FAM47B: variants seen among roughly 807,000 people sequenced by gnomAD.
FAM47B encodes family with sequence similarity 47 member B, also known as protein FAM47B.
For missense variants in FAM47B, 581 were observed against 550.1 expected (o/e 1.06, Z -0.56); for synonymous variants, 247 against 215.8 (o/e 1.14, Z -1.27).
Position 34,943,578 on chromosome X carries a change from G to A in FAM47B, c.747G>A (p.Val249=). ...PPETRASHLR[V]DPPETGVSHL... ...AGACTCGCGCATCTCATCTCCGCGT[G>A]GATCCTCCCGAGACTGGAGTGTCCC... Residue 249 remains valine, a synonymous_variant, in exon 1 of 1, where the codon GTG becomes GTA. Coordinates refer to ENST00000329357, the MANE Select transcript of FAM47B (RefSeq NM_152631.3). The A allele has an allele frequency of 2.5e-6, 3 of 1,209,621 alleles. No individual in the cohort carries two copies. The highest frequency in any genetic ancestry group is 3.4e-6 in the Non-Finnish European group (3 of 894,934).
chrX:34,943,762 C>A lies in FAM47B; in HGVS notation c.931C>A (p.Pro311Thr), dbSNP rs1318292953. The A allele has an allele frequency of 2.5e-6, 3 of 1,207,349 alleles. No homozygotes were observed. The African/African-American group carries it at 5.3e-5, about 21-fold the overall frequency. Residue 311 changes from proline (P) to threonine (T), a missense_variant, in exon 1 of 1, where the codon CCT becomes ACT. Transcript: ENST00000329357. ...ETGVSHLRPE[P>T]SKTQVSSLCP... ...TGGAGTGTCCCATCTCCGCCCAGAGCCTTCCAAGACTCAGGTGTCCAGTCT... is the reference window on the plus strand; with the variant it reads ...TGGAGTGTCCCATCTCCGCCCAGAGACTTCCAAGACTCAGGTGTCCAGTCT...
At position 34,944,541 on chromosome X, in the gene FAM47B, C is replaced by G. The variant is rs753757769; in HGVS notation, c.1710C>G (p.Pro570=). 2.5e-6 allele frequency: 3 copies of G among 1,208,851 alleles called. No homozygotes were observed. Among genetic ancestry groups the G allele is most frequent in the African/African-American group, 3.5e-5 (2 of 57,125 alleles). ...KLRSDEPLID[P]KPVLEKPDEP... is the part of the protein sequence containing the mutation. ...GAAGTGATGAACCTTTGATTGACCC[C>G]AAGCCCGTACTTGAAAAGCCTGATG... is the stretch of plus-strand genomic sequence containing the variant. Residue 570 remains proline, a synonymous_variant, in exon 1 of 1, where the codon CCC becomes CCG. Transcript: ENST00000329357.
Position 34,943,511 on chromosome X carries a change from C to T in FAM47B, c.680C>T (p.Pro227Leu), listed in dbSNP as rs1329825563. The T allele has an allele frequency of 8.3e-6, 10 of 1,208,336 alleles. No individual in the cohort carries two copies. Among genetic ancestry groups the T allele is most frequent in the Non-Finnish European group, 1.0e-5 (9 of 894,795 alleles). Residue 227 changes from proline to leucine, a missense_variant, in exon 1 of 1, where the codon CCT becomes CTT. Physicochemically the swap from Pro to Leu is moderately conservative, Grantham distance 98 (BLOSUM62 -3). Coordinates refer to ENST00000329357, the MANE Select transcript of FAM47B (RefSeq NM_152631.3). ...KTRVSSLRPE[P>L]PKTRVSSLHP... ...CGGGTGTCCAGTCTCCGCCCAGAGC[C>T]TCCCAAGACTCGGGTGTCCAGTCTC...
rs750129618 is a variant in FAM47B at position 34,943,231 on chromosome X, T to TA, written c.401dup (p.Tyr134Ter). The change falls in exon 1 of 1, where the codon TAC becomes TAAC. Residue 134 changes from tyrosine (Y) to a stop codon, truncating the protein, a stop_gained and frameshift_variant. Coordinates refer to ENST00000329357, the MANE Select transcript of FAM47B (RefSeq NM_152631.3). LOFTEE classifies it low-confidence loss of function (END_TRUNC). ...GATGACCAAGCATCCCTTGGCCATG[T>TA]ACCCCAATCTGGGAAAAGATATGCC... ...QLMTKHPLAM[Y>*]PNLGKDMPPD... 8.3e-7 allele frequency: 1 copy of TA among 1,209,134 alleles called. No individual in the cohort carries two copies. The highest frequency in any genetic ancestry group is 1.8e-5 in the African/African-American group (1 of 57,069).
At position 34,943,631 on chromosome X, in the gene FAM47B, T is replaced by C. The variant is rs878951128; in HGVS notation, c.800T>C (p.Leu267Pro). The C allele has an allele frequency of 8.4e-7, 1 of 1,196,364 alleles. No homozygotes were observed. The highest frequency in any genetic ancestry group is 1.1e-6 in the Non-Finnish European group (1 of 890,595). The change falls in exon 1 of 1, where the codon CTG (leucine) becomes CCG (proline). Residue 267 changes from leucine to proline, a missense_variant. Transcript: ENST00000329357. ...CTCTGCCCAGAGCCTCCCAAGACTC[T>C]GGTGTCCAGTGTCCACCCAGAGCCT... is the stretch of plus-strand genomic sequence containing the variant. ...SHLCPEPPKTLVSSVHPEPPD... is the reference protein window; with the variant it reads ...SHLCPEPPKTPVSSVHPEPPD...
rs1021316758 is a variant in FAM47B, at chrX:34,944,059, C to G, written c.1228C>G (p.Leu410Val). 1 of 1,207,386 alleles carries G rather than the reference C, an allele frequency of 8.3e-7. No individual in the cohort carries two copies. Among genetic ancestry groups the G allele is most frequent in the African/African-American group, 1.8e-5 (1 of 56,233 alleles). ...TCCCATAACTCGTCGAATGGCCAGT[C>G]TCTGCCTGAAGCCTCCCAAGACTCG... is the stretch of plus-strand genomic sequence containing the variant. ...VLPITRRMAS[L>V]CLKPPKTRRV... is the part of the protein sequence containing the mutation. Residue 410 changes from leucine (L) to valine (V), a missense_variant, in exon 1 of 1, where the codon CTC (leucine) becomes GTC (valine). By Grantham distance (32) the Leu-to-Val change is conservative. Coordinates refer to ENST00000329357, the MANE Select transcript of FAM47B (RefSeq NM_152631.3).
In FAM47B at chrX:34,942,987, G is replaced by A. The variant is rs79825675; in HGVS notation, c.156G>A (p.Thr52=). 1,492 of 1,210,906 alleles carry A rather than the reference G, an allele frequency of 1.2e-3. 15 individuals are homozygous for A. In the African/African-American group the frequency reaches 0.022, roughly 18 times the overall value. ...ACACCCAGAACTGGGTATTTGTGAC[G>A]GAGGGCATGGACGACTTCCGCTACG... is the stretch of plus-strand genomic sequence containing the variant. ...PVDTQNWVFV[T]EGMDDFRYAC... Residue 52 remains threonine, a synonymous_variant, in exon 1 of 1, where the codon ACG becomes ACA. Transcript: ENST00000329357.
rs1926862911 is a variant in FAM47B, at chrX:34,944,859, C to T, written c.*90C>T. 3.0e-6 allele frequency: 3 copies of T among 994,009 alleles called. No individual in the cohort carries two copies. The East Asian group carries it at 9.4e-5, about 31-fold the overall frequency. The allele number at this position is 994,009 out of a possible 1,213,427, so 81.9% of individuals were successfully genotyped here. A position where few individuals can be genotyped will look rare whatever the true frequency, so the allele number is the denominator to read the frequency against. On this transcript the variant is annotated 3_prime_UTR_variant, in exon 1 of 1. Transcript: ENST00000329357. Reference sequence around the variant, plus strand: ...TATGATGACTGGCCCCGTGAATGTACAACTTTGGCAACATCTGTAAATTCA... The same window carrying T: ...TATGATGACTGGCCCCGTGAATGTATAACTTTGGCAACATCTGTAAATTCA...
rs369604412 is a variant in FAM47B, at chrX:34,943,575, C to T, written c.744C>T (p.Arg248=). The T allele has an allele frequency of 1.8e-5, 22 of 1,207,373 alleles. No individual in the cohort carries two copies. In the Admixed American group the frequency reaches 2.2e-4, roughly 12 times the overall value. The change falls in exon 1 of 1, where the codon CGC becomes CGT. Residue 248 remains arginine, a synonymous_variant. Coordinates refer to ENST00000329357, the MANE Select transcript of FAM47B (RefSeq NM_152631.3). ...CAGAGACTCGCGCATCTCATCTCCG[C>T]GTGGATCCTCCCGAGACTGGAGTGT... ...EPPETRASHL[R]VDPPETGVSH...
Position 34,942,976 on chromosome X carries a change from G to A in FAM47B, c.145G>A (p.Val49Ile). Residue 49 changes from valine (V) to isoleucine (I), a missense_variant, in exon 1 of 1, where the codon GTA (valine) becomes ATA (isoleucine). Val to Ile is a conservative substitution (Grantham distance 29). Transcript: ENST00000329357. ...RFPPVDTQNW[V>I]FVTEGMDDFR... ...CCCGCCTGTGGACACCCAGAACTGG[G>A]TATTTGTGACGGAGGGCATGGACGA... 1 of 1,212,311 alleles carries A rather than the reference G, an allele frequency of 8.2e-7. No homozygotes were observed. The highest frequency in any genetic ancestry group is 1.1e-6 in the Non-Finnish European group (1 of 895,660).
At position 34,943,057 on chromosome X, in the gene FAM47B, T is replaced by C. The variant is rs1295620472; in HGVS notation, c.226T>C (p.Phe76Leu). ...EDTLVCRRDEFLLPKISLRGP... is the reference protein window; with the variant it reads ...EDTLVCRRDELLLPKISLRGP... ...TACGCTTGTTTGTCGCCGTGACGAG[T>C]TTTTACTCCCCAAAATATCTCTCAG... The change falls in exon 1 of 1, where the codon TTT becomes CTT. Residue 76 changes from phenylalanine to leucine, a missense_variant. Phe to Leu is a conservative substitution (Grantham distance 22, BLOSUM62 0). Transcript: ENST00000329357. 4 of 1,210,872 alleles carry C rather than the reference T, an allele frequency of 3.3e-6. No homozygotes were observed.
Position 34,944,297 on chromosome X carries a change from G to T in FAM47B, c.1466G>T (p.Cys489Phe), listed in dbSNP as rs1416680817. The stretch of plus-strand genomic sequence containing the variant: ...AGTCTGTTTGACTTTACCCCTGAGT[G>T]CAGAACAACCGATCAAGACCAAAAG... ...ISSLFDFTPE[C>F]RTTDQDQKIK... The change falls in exon 1 of 1, where the codon TGC becomes TTC. Residue 489 changes from cysteine to phenylalanine, a missense_variant. By Grantham distance (205) the Cys-to-Phe change is radical (BLOSUM62 -2). Transcript: ENST00000329357. The T allele has an allele frequency of 8.3e-7, 1 of 1,210,075 alleles. No homozygotes were observed.
rs371374386 is a variant in FAM47B at position 34,944,245 on chromosome X, C to G, written c.1414C>G (p.Leu472Val). 1 of 1,211,649 alleles carries G rather than the reference C, an allele frequency of 8.3e-7. No homozygotes were observed. Among genetic ancestry groups the G allele is most frequent in the African/African-American group, 1.7e-5 (1 of 57,709 alleles). Reference protein sequence around the residue: ...KLRDFKWAGDLGVNEESISSL... With the variant: ...KLRDFKWAGDVGVNEESISSL... ...CCGTGACTTCAAGTGGGCTGGAGAC[C>G]TAGGAGTTAATGAAGAATCCATCAG... is the stretch of plus-strand genomic sequence containing the variant. Residue 472 changes from leucine to valine, a missense_variant, in exon 1 of 1, where the codon CTA becomes GTA. Physicochemically the swap from Leu to Val is conservative, Grantham distance 32. Transcript: ENST00000329357.
chrX:34,944,731 T>A lies in FAM47B; in HGVS notation c.1900T>A (p.Tyr634Asn), dbSNP rs761811127. The A allele has an allele frequency of 1.7e-6, 2 of 1,178,465 alleles. No individual in the cohort carries two copies. Among genetic ancestry groups the A allele is most frequent in the Non-Finnish European group, 2.3e-6 (2 of 878,219 alleles). Reference protein sequence around the residue: ...PIQRAVQVYKYKEDVTDASKE... With the variant: ...PIQRAVQVYKNKEDVTDASKE... ...TCAACGTGCAGTGCAAGTTTACAAG[T>A]ACAAAGAAGACGTCACAGATGCATC... Residue 634 changes from tyrosine (Y) to asparagine (N), a missense_variant, in exon 1 of 1, where the codon TAC (tyrosine) becomes AAC (asparagine). Tyr to Asn is a moderately radical substitution (Grantham distance 143, BLOSUM62 -2). Transcript: ENST00000329357.
At position 34,942,906 on chromosome X, in the gene FAM47B, G is replaced by A; in HGVS notation, c.75G>A (p.Pro25=). The change falls in exon 1 of 1, where the codon CCG becomes CCA. Residue 25 remains proline, a synonymous_variant. Coordinates refer to ENST00000329357, the MANE Select transcript of FAM47B (RefSeq NM_152631.3). ...MDSKPWYCDK[P]PSKYFAKRKH... ...CCAAGCCCTGGTACTGTGACAAACC[G>A]CCTTCCAAGTACTTCGCGAAGCGCA... 8.3e-7 allele frequency: 1 copy of A among 1,212,089 alleles called. No individual in the cohort carries two copies. Among genetic ancestry groups the A allele is most frequent in the East Asian group, 3.0e-5 (1 of 33,809 alleles).
chrX:34,943,575 C>A lies in FAM47B; in HGVS notation c.744C>A (p.Arg248=), dbSNP rs369604412. ...CAGAGACTCGCGCATCTCATCTCCG[C>A]GTGGATCCTCCCGAGACTGGAGTGT... is the stretch of plus-strand genomic sequence containing the variant. ...EPPETRASHL[R]VDPPETGVSH... is the part of the protein sequence containing the mutation. Residue 248 remains arginine, a synonymous_variant, in exon 1 of 1, where the codon CGC becomes CGA. Transcript: ENST00000329357. 2.5e-6 allele frequency: 3 copies of A among 1,210,551 alleles called. No individual in the cohort carries two copies. Among genetic ancestry groups the A allele is most frequent in the South Asian group, 1.8e-5 (1 of 56,849 alleles).
Position 34,943,729 on chromosome X carries a change from C to A in FAM47B, c.898C>A (p.Pro300Thr), listed in dbSNP as rs751111381. Reference sequence around the variant, plus strand: ...CGTATCTCATCTCCACCCGGAGCCTCCTGAGACTGGAGTGTCCCATCTCCG... The same window carrying A: ...CGTATCTCATCTCCACCCGGAGCCTACTGAGACTGGAGTGTCCCATCTCCG... Reference protein sequence around the residue: ...TRVSHLHPEPPETGVSHLRPE... With the variant: ...TRVSHLHPEPTETGVSHLRPE... The change falls in exon 1 of 1, where the codon CCT becomes ACT. Residue 300 changes from proline to threonine, a missense_variant. Coordinates refer to ENST00000329357, the MANE Select transcript of FAM47B (RefSeq NM_152631.3). 14 of 1,206,196 alleles carry A rather than the reference C, an allele frequency of 1.2e-5. No homozygotes were observed. The highest frequency in any genetic ancestry group is 2.3e-4 in the Middle Eastern group (1 of 4,367).
In FAM47B at chrX:34,943,582, C is replaced by CA. The variant is rs765315320; in HGVS notation, c.751_752insA (p.Pro251HisfsTer27). 7.5e-6 allele frequency: 9 copies of CA among 1,207,574 alleles called. No individual in the cohort carries two copies. The East Asian group carries it at 2.7e-4, about 36-fold the overall frequency. On this transcript the variant is annotated frameshift_variant, in exon 1 of 1. Coordinates refer to ENST00000329357, the MANE Select transcript of FAM47B (RefSeq NM_152631.3). LOFTEE classifies it low-confidence loss of function (END_TRUNC). The stretch of plus-strand genomic sequence containing the variant: ...TCGCGCATCTCATCTCCGCGTGGAT[C>CA]CTCCCGAGACTGGAGTGTCCCATCT...
chrX:34,944,495 C>T lies in FAM47B; in HGVS notation c.1664C>T (p.Pro555Leu), dbSNP rs201510485. 97 of 1,209,798 alleles carry T rather than the reference C, an allele frequency of 8.0e-5. No homozygotes were observed. The highest frequency in any genetic ancestry group is 1.0e-4 in the Non-Finnish European group (93 of 895,236). The change falls in exon 1 of 1, where the codon CCT becomes CTT. Residue 555 changes from proline (P) to leucine (L), a missense_variant. By Grantham distance (98) the Pro-to-Leu change is moderately conservative (BLOSUM62 -3). Coordinates refer to ENST00000329357, the MANE Select transcript of FAM47B (RefSeq NM_152631.3). ...AGGTATGGACCATGGTACTTCGAGC[C>T]TAAGTTGGGGAAAAAGCTAAGAAGT... ...RIRYGPWYFEPKLGKKLRSDE... is the reference protein window; with the variant it reads ...RIRYGPWYFELKLGKKLRSDE...
Sources: gnomAD v4.1 joint callset for allele counts on GRCh38, gnomAD v4.1.1 for gene constraint, MANE v1.5 for transcripts, NCBI Gene and HGNC (gene_info 2026-07-23, HGNC 2026-07-21) for gene names.